LHFPL3: variants seen among roughly 807,000 people sequenced by gnomAD.
The protein encoded by LHFPL3 is LHFPL tetraspan subfamily member 3.
In LHFPL3, 5 loss-of-function variants were observed where a neutral mutation model predicts 19.3. The observed-to-expected ratio is 0.26, with a 90% CI of 0.14 to 0.54. LHFPL3 has a LOEUF of 0.54. Among genes scored for constraint, LHFPL3 ranks in the 20% least tolerant of loss-of-function variants. The probability of loss-of-function intolerance (pLI) is 0.94; values close to 1 mark genes in which losing one functional copy is unlikely to be tolerated. For synonymous variants in LHFPL3, 133 were observed against 126.2 expected (o/e 1.05, Z -0.36); for missense variants, 249 against 307.4 (o/e 0.81, Z 1.42).
intron 2 of LHFPL3, among the ~76,000 whole-genome samples, chr7:104,824,757 TATATA>T (rs199669343): frequency 0.48 from 51,268 of 107,826 alleles, 13,171 homozygotes; most frequent in South Asian, 0.61. Flanking sequence ...TCATATATTA[TATATA>T]ATATATTATA....
At chr7:104,392,611 C>T (rs912679815) in intron 1 of LHFPL3, among the ~76,000 whole-genome samples, 23 of 152,268 alleles carry the variant, frequency 1.5e-4, no homozygotes, top group African/African-American at 5.3e-4. Context: ...GGGATTTTTG[C>T]ATCAATGTTC....
intron 1 of LHFPL3, among the ~76,000 whole-genome samples, chr7:104,548,530 G>A (rs1794611061): frequency 6.6e-6 from 1 of 152,050 alleles, no homozygotes; most frequent in African/African-American, 2.4e-5. Flanking sequence ...AGATTCTTGG[G>A]ATATACTTTA....
chr7:104,801,983 G>A (rs1790257490), intron 2 of LHFPL3, among the ~76,000 whole-genome samples: 1 of 151,940 alleles, frequency 6.6e-6, no homozygotes, highest in Non-Finnish European at 1.5e-5. Context: ...TTCACAATTT[G>A]TGCTGTAGTG....
intron 1 of LHFPL3, among the ~76,000 whole-genome samples, chr7:104,402,849 T>C (rs1791341964): frequency 6.6e-6 from 1 of 152,238 alleles, no homozygotes; most frequent in Admixed American, 6.5e-5. Flanking sequence ...CCTGTACAGA[T>C]GGTGGCTGTC....
intron 2 of LHFPL3, among the ~76,000 whole-genome samples, chr7:104,748,756 T>G (rs1255184986): frequency 1.3e-5 from 2 of 152,196 alleles, no homozygotes; most frequent in African/African-American, 4.8e-5. Flanking sequence ...ATCCTCCATA[T>G]GCTGAACGCT....
chr7:104,550,133 A>G, intron 1 of LHFPL3, among the ~76,000 whole-genome samples: 1 of 151,888 alleles, frequency 6.6e-6, no homozygotes, highest in African/African-American at 2.4e-5. Context: ...TTGCTTGGAG[A>G]AGGTCAGTCT....
intron 1 of LHFPL3, among the ~76,000 whole-genome samples, chr7:104,444,946 C>G (rs1792300148): frequency 6.6e-6 from 1 of 151,952 alleles, no homozygotes; most frequent in South Asian, 2.1e-4. Context: ...TGAAATCGCG[C>G]CATTGCATTC....
intron 1 of LHFPL3, among the ~76,000 whole-genome samples, chr7:104,658,062 A>T (rs1792152209): frequency 6.6e-6 from 1 of 152,262 alleles, no homozygotes; most frequent in African/African-American, 2.4e-5. Context: ...CATTAGAAAA[A>T]AATAATACAT....
chr7:104,683,657 T>G (rs914474774), intron 1 of LHFPL3, among the ~76,000 whole-genome samples: 12 of 152,192 alleles, frequency 7.9e-5, no homozygotes, highest in Admixed American at 5.2e-4. Context: ...TTTCTAAGTT[T>G]CTACTAACTG....
intron 2 of LHFPL3, among the ~76,000 whole-genome samples, chr7:104,820,197 C>T (rs555287050): frequency 6.6e-6 from 1 of 152,192 alleles, no homozygotes; most frequent in South Asian, 2.1e-4. Context: ...AATGCCAAGC[C>T]CATTTATCAT....
chr7:104,602,270 C>T (rs1790986947), intron 1 of LHFPL3, among the ~76,000 whole-genome samples: 1 of 152,114 alleles, frequency 6.6e-6, no homozygotes, highest in Admixed American at 6.5e-5. Context: ...ATCCTCCCAC[C>T]TTGGCCTCCC....
intron 1 of LHFPL3, among the ~76,000 whole-genome samples, chr7:104,715,577 A>G (rs1793370547): frequency 6.6e-6 from 1 of 151,956 alleles, no homozygotes; most frequent in Non-Finnish European, 1.5e-5. Context: ...TCTATTCTTA[A>G]TTTGTTGAGA....
chr7:104,687,742 G>T (rs1171983542), intron 1 of LHFPL3, among the ~76,000 whole-genome samples: 1 of 152,194 alleles, frequency 6.6e-6, no homozygotes, highest in Non-Finnish European at 1.5e-5. Flanking sequence ...CATCTCAACA[G>T]GCACCAGTAT....
At chr7:104,892,765 T>C (rs573975972) in intron 2 of LHFPL3, among the ~76,000 whole-genome samples, 5 of 151,606 alleles carry the variant, frequency 3.3e-5, no homozygotes, top group African/African-American at 1.2e-4. Flanking sequence ...TCAACTAACA[T>C]TATGGGGTAG....
chr7:104,844,830 C>A (rs1791282608), intron 2 of LHFPL3, among the ~76,000 whole-genome samples: 1 of 152,180 alleles, frequency 6.6e-6, no homozygotes, highest in Admixed American at 6.5e-5. Flanking sequence ...CATTTGCCTT[C>A]CAGGTTCAAG....
intron 1 of LHFPL3, among the ~76,000 whole-genome samples, chr7:104,451,814 G>A (rs533467471): frequency 5.3e-5 from 8 of 151,674 alleles, no homozygotes; most frequent in East Asian, 2.0e-4. Context: ...GCATGATCTC[G>A]GCTCACTGCA....
At chr7:104,474,962 A>G (rs1349519199) in intron 1 of LHFPL3, among the ~76,000 whole-genome samples, 1 of 152,192 alleles carries the variant, frequency 6.6e-6, no homozygotes, top group Non-Finnish European at 1.5e-5. Flanking sequence ...GTGAAAGAAG[A>G]CTGAATCACA....
chr7:104,875,883 A>AT (rs1211043222), intron 2 of LHFPL3, among the ~76,000 whole-genome samples: 2 of 152,168 alleles, frequency 1.3e-5, no homozygotes, highest in Non-Finnish European at 2.9e-5. Flanking sequence ...TCTCATTAAA[A>AT]TCATTTGCAC....
intron 1 of LHFPL3, among the ~76,000 whole-genome samples, chr7:104,580,317 T>C (rs147825209): frequency 6.0e-4 from 91 of 152,282 alleles, no homozygotes; most frequent in African/African-American, 2.2e-3. Flanking sequence ...ATTTTTTTCT[T>C]TTCCCAAACA....
Sources: gnomAD v4.1 joint callset for allele counts (sites outside exome capture counted in the v4.1 genomes callset) on GRCh38, gnomAD v4.1.1 for gene constraint, MANE v1.5 for transcripts, NCBI Gene and HGNC (gene_info 2026-07-23, HGNC 2026-07-21) for gene names.